The following C16orf96 variants were observed in gnomAD, a reference collection of about 807,000 sequenced individuals.
C16orf96 encodes uncharacterized protein C16orf96.
In C16orf96, 108 loss-of-function variants were observed where a neutral mutation model predicts 103.6. The ratio of observed to expected loss-of-function variants is 1.04; its 90% confidence interval spans 0.89 to 1.22. C16orf96 has a LOEUF of 1.22. C16orf96 is among the 50% of genes most tolerant of loss of function. The probability of loss-of-function intolerance (pLI) is 0.00; values close to 1 mark genes in which losing one functional copy is unlikely to be tolerated. For synonymous variants in C16orf96, 566 were observed against 593.5 expected (o/e 0.95, Z 0.67); for missense variants, 1,586 against 1,464.2 (o/e 1.08, Z -1.36).
intron 1 of C16orf96, among the ~76,000 whole-genome samples, chr16:4,559,400 A>T (rs1469392200): frequency 6.6e-6 from 1 of 151,656 alleles, no homozygotes; most frequent in Non-Finnish European, 1.5e-5. Context: ...AATAAAAAAA[A>T]ATTAGCCAGG....
chr16:4,582,002 C>T (rs1404028568), intron 7 of C16orf96, among the ~76,000 whole-genome samples: 1 of 151,986 alleles, frequency 6.6e-6, no homozygotes, highest in Admixed American at 6.6e-5. Context: ...TCACTAACGG[C>T]CAGGCGCGGT....
intron 5 of C16orf96, 139 bp from the exon 6 acceptor site, chr16:4,578,801 G>A: frequency 2.1e-6 from 1 of 476,414 alleles, no homozygotes; most frequent in Non-Finnish European, 3.8e-6. Flanking sequence ...AAATAAAAAG[G>A]TACCACAAGC....
At chr16:4,595,408 C>T (rs1247433974) in intron 14 of C16orf96, among the ~76,000 whole-genome samples, 1 of 152,130 alleles carries the variant, frequency 6.6e-6, no homozygotes, top group African/African-American at 2.4e-5. Context: ...AGCGGGAGAC[C>T]CAGAATTGTG....
At position 4,587,048 on chromosome 16, in the gene C16orf96, G is replaced by C; in HGVS notation, c.2362G>C (p.Ala788Pro). ...IRMDEFKTLQ[A>P]QIKRLEMNKV... The stretch of plus-strand genomic sequence containing the variant: ...GTGCTTCTGTTCTTAGACTCTCCAG[G>C]CTCAAATCAAAAGACTGGAAATGAA... The change falls in exon 8 of 16, where the codon GCT becomes CCT. Residue 788 changes from alanine to proline, a missense_variant. Coordinates refer to ENST00000444310, the MANE Select transcript of C16orf96 (RefSeq NM_001145011.2). The C allele has an allele frequency of 6.4e-7, 1 of 1,551,452 alleles. No individual in the cohort carries two copies. The highest frequency in any genetic ancestry group is 1.2e-5 in the South Asian group (1 of 84,060).
intron 7 of C16orf96, among the ~76,000 whole-genome samples, chr16:4,581,047 C>T (rs1045476557): frequency 1.3e-5 from 2 of 149,182 alleles, no homozygotes; most frequent in South Asian, 2.1e-4. Context: ...TCCCTTGAAC[C>T]GGGGAGGCAG....
Position 4,576,394 on chromosome 16 carries a change from G to C in C16orf96, c.1914G>C (p.Leu638Phe), listed in dbSNP as rs2059509948. The C allele has an allele frequency of 6.4e-7, 1 of 1,550,980 alleles. No homozygotes were observed. Among genetic ancestry groups the C allele is most frequent in the Admixed American group, 2.0e-5 (1 of 50,978 alleles). ...GGGGAGCCACAGAATCCCAGATCTT[G>C]GGCGATGATTCCGAAATCTACGAAA... ...PSRGATESQI[L>F]GDDSEIYEIL... Residue 638 changes from leucine (L) to phenylalanine (F), a missense_variant, in exon 5 of 16, where the codon TTG becomes TTC. Physicochemically the swap from Leu to Phe is conservative, Grantham distance 22. Transcript: ENST00000444310.
At chr16:4,600,001 CT>C in intron 15 of C16orf96, 98 bp from the exon 16 acceptor site, 1 of 1,223,390 alleles carries the variant, frequency 8.2e-7, no homozygotes, top group South Asian at 1.4e-5. Flanking sequence ...ACTTCTAGTC[CT>C]GGGCTTCTCT....
At chr16:4,578,228 C>T (rs1055576245) in intron 5 of C16orf96, among the ~76,000 whole-genome samples, 8 of 152,092 alleles carry the variant, frequency 5.3e-5, no homozygotes, top group Admixed American at 1.3e-4. Context: ...CTGCAGCCTC[C>T]GCCTCCTGGG....
chr16:4,573,069 A>G (rs972269385), intron 2 of C16orf96, among the ~76,000 whole-genome samples: 4 of 152,150 alleles, frequency 2.6e-5, no homozygotes, highest in African/African-American at 7.2e-5. Context: ...GCTCCCATCT[A>G]AGCAGAAAGA....
intron 2 of C16orf96, 87 bp downstream of exon 2, chr16:4,571,752 C>A (rs1400479003): frequency 1.2e-5 from 15 of 1,212,948 alleles, no homozygotes; most frequent in Non-Finnish European, 7.0e-6. Context: ...AGGAAGCTTA[C>A]TGTTAGGCCA....
chr16:4,574,362 C>T (rs1277690764), intron 2 of C16orf96, among the ~76,000 whole-genome samples: 1 of 152,222 alleles, frequency 6.6e-6, no homozygotes, highest in Non-Finnish European at 1.5e-5. Flanking sequence ...GCTGGGATTA[C>T]AGGCGCATGC....
chr16:4,568,700 C>T (rs1433630416), intron 1 of C16orf96, among the ~76,000 whole-genome samples: 1 of 147,868 alleles, frequency 6.8e-6, no homozygotes, highest in East Asian at 2.0e-4. Flanking sequence ...GCAATCACAG[C>T]TCACTTCAGC....
intron 1 of C16orf96, among the ~76,000 whole-genome samples, chr16:4,567,692 C>CTTTTTTTTTTTTTTTTT (rs60143866): frequency 4.5e-5 from 2 of 44,524 alleles, no homozygotes. Flanking sequence ...CTTCTGTTGC[C>CTTTTTTTTTTTTTTTTT]TTTTTTTTTT....
chr16:4,566,115 G>A (rs532531926), intron 1 of C16orf96, among the ~76,000 whole-genome samples: 2 of 152,322 alleles, frequency 1.3e-5, no homozygotes, highest in Admixed American at 6.5e-5. Flanking sequence ...GAAAGCAGTC[G>A]GATTACAGAC....
intron 9 of C16orf96, among the ~76,000 whole-genome samples, chr16:4,589,985 G>T (rs1321227747): frequency 1.3e-5 from 2 of 152,034 alleles, no homozygotes; most frequent in African/African-American, 2.4e-5. Context: ...AATTAGCCAG[G>T]CCTGGTGGCG....
the C16orf96 span, among the ~76,000 whole-genome samples, chr16:4,543,473 T>A: frequency 1.3e-5 from 2 of 152,056 alleles, no homozygotes; most frequent in Non-Finnish European, 2.9e-5. Context: ...TAGATTCTTG[T>A]TTTATTTTAA....
chr16:4,572,444 C>G (rs953539156), intron 2 of C16orf96, among the ~76,000 whole-genome samples: 1 of 151,728 alleles, frequency 6.6e-6, no homozygotes, highest in Admixed American at 6.6e-5. Flanking sequence ...GGACTACAGG[C>G]GCCCGCCCCC....
chr16:4,543,489 T>C, the C16orf96 span, among the ~76,000 whole-genome samples: 3 of 152,062 alleles, frequency 2.0e-5, no homozygotes, highest in African/African-American at 7.2e-5. Flanking sequence ...TTTAATTAAT[T>C]AATTAATTTA....
intron 1 of C16orf96, among the ~76,000 whole-genome samples, chr16:4,557,254 G>A (rs1222438741): frequency 1.3e-5 from 2 of 152,104 alleles, no homozygotes; most frequent in African/African-American, 2.4e-5. Context: ...ACAAGCGTGA[G>A]CCACTGCGCC....
Sources: gnomAD v4.1 joint callset for allele counts (sites outside exome capture counted in the v4.1 genomes callset) on GRCh38, gnomAD v4.1.1 for gene constraint, MANE v1.5 for transcripts, NCBI Gene and HGNC (gene_info 2026-07-23, HGNC 2026-07-21) for gene names.